Variants in MED26 observed in about 807,000 individuals in gnomAD.
The protein encoded by MED26 is mediator complex subunit 26.
In MED26, 7 loss-of-function variants were observed where a neutral mutation model predicts 43.7. That is an observed-to-expected ratio of 0.16 (90% CI 0.09 to 0.30). MED26 has a LOEUF of 0.30. Ranked by LOEUF, MED26 falls within the 10% of genes least tolerant of loss-of-function variation. MED26 has a pLI of 1.00. For missense variants in MED26, 784 were observed against 840.6 expected (o/e 0.93, Z 0.83); for synonymous variants, 375 against 371.1 (o/e 1.01, Z -0.12).
intron 1 of MED26, chr19:16,611,544 T>C (rs904717202): frequency 1.3e-5 from 2 of 152,156 alleles, no homozygotes; most frequent in Non-Finnish European, 2.9e-5. Flanking sequence ...TTTTACAGTT[T>C]AATTGAAAAG....
At chr19:16,625,014 T>C (rs1175251491) in intron 1 of MED26, among the ~76,000 whole-genome samples, 1 of 152,220 alleles carries the variant, frequency 6.6e-6, no homozygotes, top group African/African-American at 2.4e-5. Flanking sequence ...CTATGACTGC[T>C]GTGCGAGAGT....
At position 16,576,026 on chromosome 19, in the gene MED26, G is replaced by C. The variant is rs889867223; in HGVS notation, c.*1C>G. On this transcript the variant is annotated 3_prime_UTR_variant, in exon 3 of 3. Transcript: ENST00000263390. This position sits in a 1 kb window ranked among gnomAD's most constrained non-coding sequence, Gnocchi z 6.8. The stretch of plus-strand genomic sequence containing the variant: ...AATGCACTTTGTGGCTGACAGGCCG[G>C]TCAGTCCAAGCAGACATAAGGCAGA... The C allele has an allele frequency of 6.2e-7, 1 of 1,604,100 alleles. No homozygotes were observed. The highest frequency in any genetic ancestry group is 1.3e-5 in the African/African-American group (1 of 74,738).
At chr19:16,612,837 C>T (rs986313733) in intron 1 of MED26, among the ~76,000 whole-genome samples, 8 of 152,156 alleles carry the variant, frequency 5.3e-5, no homozygotes, top group South Asian at 2.1e-4. Context: ...CCTGTTTTCC[C>T]CCGAGGGAGC....
At chr19:16,605,415 G>T (rs1473568454) in intron 1 of MED26, among the ~76,000 whole-genome samples, 1 of 152,328 alleles carries the variant, frequency 6.6e-6, no homozygotes, top group South Asian at 2.1e-4. Context: ...CTCAGACTGA[G>T]ATGAGAACTG....
At chr19:16,627,252 G>C (rs2086282759) in intron 1 of MED26, among the ~76,000 whole-genome samples, 1 of 152,168 alleles carries the variant, frequency 6.6e-6, no homozygotes, top group Non-Finnish European at 1.5e-5. Context: ...ATCGTCGGCA[G>C]CGACCCCAAG....
chr19:16,590,160 G>C (rs1173472044), intron 1 of MED26, among the ~76,000 whole-genome samples: 4 of 152,202 alleles, frequency 2.6e-5, no homozygotes, highest in African/African-American at 9.7e-5. Context: ...GAAAGAGGCA[G>C]GCAGGCAGCA....
chr19:16,609,699 C>A (rs2086190894), intron 1 of MED26, among the ~76,000 whole-genome samples: 1 of 151,814 alleles, frequency 6.6e-6, no homozygotes, highest in African/African-American at 2.4e-5. Context: ...AAACTAAAGT[C>A]CATTTGCATT....
At chr19:16,607,942 C>T (rs755592609) in intron 1 of MED26, among the ~76,000 whole-genome samples, 79 of 152,358 alleles carry the variant, frequency 5.2e-4, no homozygotes, top group African/African-American at 1.6e-3. Flanking sequence ...ACTACGATCA[C>T]GAGAACTGTC....
At chr19:16,604,139 G>A (rs962412124) in intron 1 of MED26, among the ~76,000 whole-genome samples, 1 of 152,232 alleles carries the variant, frequency 6.6e-6, no homozygotes, top group Admixed American at 6.5e-5. Context: ...GCAGTTAAAG[G>A]AGTGAGCTAG....
At chr19:16,601,237 C>T (rs2086147833) in intron 1 of MED26, among the ~76,000 whole-genome samples, 1 of 151,668 alleles carries the variant, frequency 6.6e-6, no homozygotes, top group Non-Finnish European at 1.5e-5. Flanking sequence ...CTCACCACAA[C>T]CTCTGCTTCC....
intron 1 of MED26, among the ~76,000 whole-genome samples, chr19:16,594,196 T>A (rs1284943754): frequency 6.6e-6 from 1 of 152,204 alleles, no homozygotes; most frequent in African/African-American, 2.4e-5. Flanking sequence ...GAAGCCTGTG[T>A]TATCTGCTGG....
At chr19:16,597,810 C>A (rs35443763) in intron 1 of MED26, among the ~76,000 whole-genome samples, 1 of 152,130 alleles carries the variant, frequency 6.6e-6, no homozygotes, top group Non-Finnish European at 1.5e-5. Context: ...GCAACCTCTG[C>A]GTCCCAGGCT....
At chr19:16,589,900 G>A (rs890728543) in intron 1 of MED26, among the ~76,000 whole-genome samples, 13 of 152,164 alleles carry the variant, frequency 8.5e-5, no homozygotes, top group Non-Finnish European at 1.5e-4. Context: ...GCAGCCCCTC[G>A]TTCCCCACGG....
chr19:16,624,846 A>G (rs2086267116), intron 1 of MED26, among the ~76,000 whole-genome samples: 1 of 152,204 alleles, frequency 6.6e-6, no homozygotes, highest in Non-Finnish European at 1.5e-5. Context: ...AGCAGCAGGT[A>G]GAAAGTGTGC....
chr19:16,577,123 C>T lies in MED26; in HGVS notation c.707G>A (p.Gly236Asp). ...CTGCAAGCAGGGTCCAGGGGGCTTG[C>T]CCAGGCCCGGGGAGCTGGTGTGCGG... ...VRPHTSSPGL[G>D]KPPGPCLQPK... The change falls in exon 3 of 3, where the codon GGC (glycine) becomes GAC (aspartate). Residue 236 changes from glycine to aspartate, a missense_variant. By Grantham distance (94) the Gly-to-Asp change is moderately conservative (BLOSUM62 -1). This residue lies in a region of MED26 where 719 missense variants were observed against 730.9 expected (regional missense o/e 0.98). Coordinates refer to ENST00000263390, the MANE Select transcript of MED26 (RefSeq NM_004831.5). The surrounding 1 kb of genome is among the most constrained non-coding windows in gnomAD (Gnocchi z 8.1). 1 of 1,613,196 alleles carries T rather than the reference C, an allele frequency of 6.2e-7. No homozygotes were observed. Among genetic ancestry groups the T allele is most frequent in the Non-Finnish European group, 8.5e-7 (1 of 1,179,848 alleles).
In MED26 at chr19:16,586,939, G is replaced by A. The variant is rs1246290237; in HGVS notation, c.73-8530C>T. ...TTTTTTTTTTTTTTTAATGCAGAAT[G>A]GTCTAGACAGTAATTTACAAAAACT... is the stretch of plus-strand genomic sequence containing the variant. On this transcript the variant is annotated intron_variant, in intron 1 of 2. Coordinates refer to ENST00000263390, the MANE Select transcript of MED26 (RefSeq NM_004831.5). The surrounding 1 kb of genome is among the most constrained non-coding windows in gnomAD (Gnocchi z 5.1). The A allele has an allele frequency of 6.7e-6, 1 of 150,232 alleles. No individual in the cohort carries two copies. The highest frequency in any genetic ancestry group is 1.5e-5 in the Non-Finnish European group (1 of 67,672). The allele number at this position is 150,232 out of a possible 1,614,324, so 9.3% of individuals were successfully genotyped here. A position where few individuals can be genotyped will look rare whatever the true frequency, so the allele number is the denominator to read the frequency against.
chr19:16,606,040 C>T (rs889357019), intron 1 of MED26, among the ~76,000 whole-genome samples: 10 of 152,216 alleles, frequency 6.6e-5, no homozygotes, highest in South Asian at 2.1e-4. Flanking sequence ...GATAGAGCAT[C>T]GGATCACTAC....
At chr19:16,616,960 C>T (rs1160318656) in intron 1 of MED26, among the ~76,000 whole-genome samples, 1 of 152,094 alleles carries the variant, frequency 6.6e-6, no homozygotes, top group African/African-American at 2.4e-5. Flanking sequence ...GTGACAAACA[C>T]AACAGGCATC....
intron 1 of MED26, among the ~76,000 whole-genome samples, chr19:16,621,500 C>CTG (rs1484790894): frequency 6.6e-6 from 1 of 152,150 alleles, no homozygotes; most frequent in Non-Finnish European, 1.5e-5. Flanking sequence ...GTGGATGAAC[C>CTG]CAGGAAACTT....
Sources: allele counts gnomAD v4.1 joint callset (sites outside exome capture counted in the v4.1 genomes callset), GRCh38; gene constraint gnomAD v4.1.1; regional missense constraint gnomAD v4.1.1; non-coding constraint Gnocchi (gnomAD v3.1); transcripts MANE v1.5; gene names NCBI Gene and HGNC (gene_info 2026-07-23, HGNC 2026-07-21).